The following SASH1 variants were observed in gnomAD, a reference collection of about 807,000 sequenced individuals.
SASH1 encodes SAM and SH3 domain containing 1.
In SASH1, 44 loss-of-function variants were observed where a neutral mutation model predicts 125.2. That is an observed-to-expected ratio of 0.35 (90% CI 0.28 to 0.45). The LOEUF is 0.45. Ranked by LOEUF, SASH1 falls within the 20% of genes least tolerant of loss-of-function variation. SASH1 has a pLI of 1.00. For synonymous variants in SASH1, 639 were observed against 649.1 expected, an observed-to-expected ratio of 0.98 and a Z score of 0.24; for missense variants, 1,426 against 1,614.5, an observed-to-expected ratio of 0.88 and a Z score of 2.00.
chr6:148,548,219 T>G, intron 19 of SASH1, 76 bp from the exon 20 acceptor site: 1 of 1,348,356 alleles, frequency 7.4e-7, no homozygotes, highest in East Asian at 2.3e-5. Flanking sequence ...TCAGTGCTGT[T>G]CCTTTTAGAC....
chr6:148,399,152 A>T (rs1314776527), intron 2 of SASH1, among the ~76,000 whole-genome samples: 1 of 151,282 alleles, frequency 6.6e-6, no homozygotes, highest in Non-Finnish European at 1.5e-5. Context: ...TGTGTTGTGC[A>T]TGACAGTCTA....
intron 4 of SASH1, among the ~76,000 whole-genome samples, chr6:148,452,642 G>A (rs1197776102): frequency 1.3e-5 from 2 of 152,170 alleles, no homozygotes; most frequent in Admixed American, 1.3e-4. Flanking sequence ...CAAGGGTGGT[G>A]CTGTGAAATG....
intron 12 of SASH1, 113 bp downstream of exon 12, chr6:148,527,709 C>A: frequency 9.8e-7 from 1 of 1,017,248 alleles, no homozygotes; most frequent in Non-Finnish European, 1.5e-6. Flanking sequence ...TGGCATTAAC[C>A]TGCTCCAAGT....
At chr6:148,239,704 CTTT>C in the SASH1 span, among the ~76,000 whole-genome samples, 2 of 147,098 alleles carry the variant, frequency 1.4e-5, no homozygotes, top group Non-Finnish European at 3.0e-5. Flanking sequence ...TATAGATCGG[CTTT>C]TTTTTTTTTT....
At chr6:148,301,190 G>GTGGT (rs1562313537) in intron 1 of SASH1, among the ~76,000 whole-genome samples, 1 of 151,740 alleles carries the variant, frequency 6.6e-6, no homozygotes, top group Admixed American at 6.6e-5. Flanking sequence ...GCCGGGAGTG[G>GTGGT]TGGTGCATGC....
At chr6:148,482,516 A>G (rs1273535482) in intron 7 of SASH1, among the ~76,000 whole-genome samples, 12 of 151,532 alleles carry the variant, frequency 7.9e-5, no homozygotes, top group African/African-American at 2.9e-4. Flanking sequence ...ATGTTTTGGC[A>G]TGGTGAACTT....
intron 1 of SASH1, among the ~76,000 whole-genome samples, chr6:148,364,617 A>G (rs1782374870): frequency 6.6e-6 from 1 of 152,152 alleles, no homozygotes; most frequent in African/African-American, 2.4e-5. Context: ...TAGTTGGGAC[A>G]GGAAATGACT....
the SASH1 span, among the ~76,000 whole-genome samples, chr6:148,216,979 G>A: frequency 0.15 from 22,131 of 151,914 alleles, 1,693 homozygotes; most frequent in African/African-American, 0.2. Flanking sequence ...ATCCTGCCTC[G>A]GCTTCCCAGA....
chr6:148,330,380 A>C (rs921303965), intron 1 of SASH1, among the ~76,000 whole-genome samples: 3 of 152,162 alleles, frequency 2.0e-5, no homozygotes, highest in Non-Finnish European at 2.9e-5. Context: ...AATTTATTGG[A>C]AAAAAATATT....
intron 1 of SASH1, 54 bp from the exon 2 acceptor site, chr6:148,390,080 T>C (rs1318315677): frequency 6.2e-7 from 1 of 1,603,902 alleles, no homozygotes; most frequent in East Asian, 2.2e-5. Context: ...CCGATGGCTG[T>C]GGGCTTTTCC....
intron 1 of SASH1, among the ~76,000 whole-genome samples, chr6:148,357,637 A>G (rs1468905130): frequency 6.6e-6 from 1 of 151,760 alleles, no homozygotes; most frequent in Non-Finnish European, 1.5e-5. Context: ...ACAGACTCCT[A>G]CTCCTCATTG....
intron 1 of SASH1, among the ~76,000 whole-genome samples, chr6:148,322,885 TTTTCTTCTTTCTTTCTCTC>T (rs1562324033): frequency 1.5e-5 from 2 of 130,970 alleles, no homozygotes; most frequent in African/African-American, 5.7e-5. Flanking sequence ...CTTTCTTTCT[TTTTCTTCTTTCTTTCTCTC>T]TCTTTCTTTC....
chr6:148,309,174 A>T (rs979776546), intron 1 of SASH1, among the ~76,000 whole-genome samples: 14 of 151,884 alleles, frequency 9.2e-5, no homozygotes, highest in African/African-American at 3.4e-4. Flanking sequence ...GGGGGGAAAA[A>T]AGAGTACAGA....
chr6:148,255,049 A>C, the SASH1 span, among the ~76,000 whole-genome samples: 2 of 152,198 alleles, frequency 1.3e-5, no homozygotes, highest in Non-Finnish European at 2.9e-5. Flanking sequence ...GTACTAATCC[A>C]TGTTACAACA....
chr6:148,279,687 C>T (rs1021031290), intron 1 of SASH1, among the ~76,000 whole-genome samples: 1 of 152,124 alleles, frequency 6.6e-6, no homozygotes, highest in African/African-American at 2.4e-5. Flanking sequence ...ATCTATCCAT[C>T]CATCATCATT....
chr6:148,224,367 C>CT, the SASH1 span, among the ~76,000 whole-genome samples: 2,516 of 146,682 alleles, frequency 0.017, 39 homozygotes, highest in Middle Eastern at 0.098. Context: ...TCCCCCCAGC[C>CT]TTTTTTTTTT....
intron 1 of SASH1, among the ~76,000 whole-genome samples, chr6:148,332,281 T>C (rs2493911): frequency 0.32 from 49,212 of 152,104 alleles, 8,970 homozygotes; most frequent in Middle Eastern, 0.47. Flanking sequence ...CCCCAAGGCA[T>C]TGTGGAATGC....
chr6:148,250,369 C>T, the SASH1 span, among the ~76,000 whole-genome samples: 14 of 152,182 alleles, frequency 9.2e-5, no homozygotes, highest in East Asian at 2.3e-3. Flanking sequence ...TTCTGGCTAA[C>T]AGAGAGAAAA....
intron 1 of SASH1, among the ~76,000 whole-genome samples, chr6:148,361,341 T>C (rs1391342531): frequency 1.3e-5 from 2 of 152,188 alleles, no homozygotes; most frequent in Non-Finnish European, 2.9e-5. Context: ...CTCATGCCTG[T>C]AATCCCAGCA....
Sources: gnomAD v4.1 joint callset for allele counts (sites outside exome capture counted in the v4.1 genomes callset) on GRCh38, gnomAD v4.1.1 for gene constraint, MANE v1.5 for transcripts, NCBI Gene and HGNC (gene_info 2026-07-23, HGNC 2026-07-21) for gene names.